The following NTM variants were observed in gnomAD, a reference collection of about 807,000 sequenced individuals.
The protein encoded by NTM is IgLON family member 2.
A neutral mutation model predicts 42.1 loss-of-function variants in NTM; 13 were observed. The observed-to-expected ratio is 0.31, with a 90% CI of 0.20 to 0.49. NTM has a LOEUF of 0.49. NTM is among the 20% of genes least tolerant of loss of function. NTM has a pLI of 0.99. For synonymous variants in NTM, 187 were observed against 179.2 expected (o/e 1.04, Z -0.35); for missense variants, 373 against 452.8 (o/e 0.82, Z 1.60).
intron 1 of NTM, among the ~76,000 whole-genome samples, chr11:131,764,039 TG>T (rs1242444671): frequency 6.6e-6 from 1 of 152,122 alleles, no homozygotes; most frequent in African/African-American, 2.4e-5. Context: ...GATAGATTTA[TG>T]GTGAAGATGC....
intron 1 of NTM, among the ~76,000 whole-genome samples, chr11:131,589,607 A>G (rs1555159053): frequency 6.6e-6 from 1 of 152,214 alleles, no homozygotes; most frequent in East Asian, 1.9e-4. Flanking sequence ...GTTTTTTTGT[A>G]TCTTATGCCT....
At chr11:131,742,149 G>C (rs1287082909) in intron 1 of NTM, among the ~76,000 whole-genome samples, 3 of 152,156 alleles carry the variant, frequency 2.0e-5, no homozygotes, top group Non-Finnish European at 4.4e-5. Context: ...GGGTGTTGAA[G>C]TAATCTGTAC....
At chr11:131,595,277 C>T (rs904578776) in intron 1 of NTM, among the ~76,000 whole-genome samples, 4 of 152,222 alleles carry the variant, frequency 2.6e-5, no homozygotes, top group East Asian at 1.9e-4. Flanking sequence ...CATCACCATG[C>T]GCCTCCACCA....
In NTM at chr11:132,335,086, G is replaced by C. The variant is rs1468871287; in HGVS notation, c.1008G>C (p.Arg336Ser). 1.9e-6 allele frequency: 3 copies of C among 1,612,566 alleles called. No homozygotes were observed. The African/African-American group carries it at 4.0e-5, about 22-fold the overall frequency. ...GCGAGGTGAGCAACGGCACGTCGAG[G>C]AGGGCAGGCTGCGTCTGGCTGCTGC... The part of the protein sequence containing the change: ...AVSEVSNGTS[R>S]RAGCVWLLPL... The change falls in exon 9 of 9, where the codon AGG becomes AGC. Residue 336 changes from arginine to serine, a missense_variant. This residue lies in a region of NTM where 312 missense variants were observed against 353.5 expected (regional missense o/e 0.88). Transcript: ENST00000683400.
chr11:131,877,700 T>A (rs1446489828), intron 1 of NTM: 1 of 152,246 alleles, frequency 6.6e-6, no homozygotes, highest in South Asian at 2.1e-4. Flanking sequence ...TTATTACTCA[T>A]CTTGATGACA....
intron 1 of NTM, among the ~76,000 whole-genome samples, chr11:131,859,987 C>A (rs924400804): frequency 7.2e-5 from 11 of 152,052 alleles, no homozygotes; most frequent in Non-Finnish European, 1.2e-4. Context: ...CAGAAAGGAA[C>A]ATGTGTTTCT....
intron 4 of NTM, among the ~76,000 whole-genome samples, chr11:132,234,478 G>A (rs2088350360): frequency 6.6e-6 from 1 of 152,080 alleles, no homozygotes; most frequent in Non-Finnish European, 1.5e-5. Context: ...GAATCTCTCT[G>A]TAGCAAAAGT....
chr11:131,631,806 G>T (rs2137782129), intron 1 of NTM, among the ~76,000 whole-genome samples: 1 of 152,286 alleles, frequency 6.6e-6, no homozygotes, highest in Admixed American at 6.5e-5. Flanking sequence ...CAACTCGGCT[G>T]CCGTAATGTT....
chr11:131,936,443 CA>C (rs1467945169), intron 2 of NTM, among the ~76,000 whole-genome samples: 2 of 152,038 alleles, frequency 1.3e-5, no homozygotes, highest in African/African-American at 4.8e-5. Context: ...AACCACTGGC[CA>C]AAAGGAACTT....
intron 2 of NTM, among the ~76,000 whole-genome samples, chr11:132,060,710 G>A (rs543949085): frequency 1.1e-4 from 17 of 152,256 alleles, no homozygotes; most frequent in Non-Finnish European, 2.1e-4. Flanking sequence ...ATCTCTGTGC[G>A]GTTGCAGGCT....
chr11:131,375,005 A>C (rs1344673975), intron 1 of NTM, among the ~76,000 whole-genome samples: 1 of 152,168 alleles, frequency 6.6e-6, no homozygotes, highest in Admixed American at 6.5e-5. Flanking sequence ...CAAACAAACA[A>C]ACAAAAAACC....
At chr11:131,760,550 TC>T (rs905442078) in intron 1 of NTM, among the ~76,000 whole-genome samples, 1 of 152,128 alleles carries the variant, frequency 6.6e-6, no homozygotes, top group African/African-American at 2.4e-5. Flanking sequence ...CCGTTCTGAT[TC>T]CCCCGCTCAG....
intron 1 of NTM, among the ~76,000 whole-genome samples, chr11:131,817,617 A>T (rs181550041): frequency 3.3e-5 from 5 of 152,296 alleles, no homozygotes; most frequent in Admixed American, 3.3e-4. Context: ...GAATACTCAG[A>T]GTTTTAGTGC....
At chr11:132,019,855 GT>G (rs1002350958) in intron 2 of NTM, among the ~76,000 whole-genome samples, 11 of 148,754 alleles carry the variant, frequency 7.4e-5, no homozygotes, top group African/African-American at 2.2e-4. Context: ...TATTTATTTG[GT>G]TTTTTTTTCA....
chr11:131,747,360 CTT>C (rs1381043631), intron 1 of NTM, among the ~76,000 whole-genome samples: 1 of 152,228 alleles, frequency 6.6e-6, no homozygotes, highest in Non-Finnish European at 1.5e-5. Context: ...GCTGTTCTCT[CTT>C]CCAGTTGCTA....
intron 1 of NTM, among the ~76,000 whole-genome samples, chr11:131,776,724 G>A (rs2087051140): frequency 6.6e-6 from 1 of 152,088 alleles, no homozygotes; most frequent in Admixed American, 6.5e-5. Context: ...ATAAATTCCA[G>A]TGCAAGAGTT....
At chr11:131,449,609 ATC>A (rs1414855132) in intron 1 of NTM, among the ~76,000 whole-genome samples, 11 of 152,288 alleles carry the variant, frequency 7.2e-5, no homozygotes, top group African/African-American at 2.2e-4. Context: ...TGCTGCGTTC[ATC>A]TCTCTCATCA....
chr11:131,580,266 C>G (rs1268763129), intron 1 of NTM, among the ~76,000 whole-genome samples: 1 of 152,234 alleles, frequency 6.6e-6, no homozygotes, highest in Non-Finnish European at 1.5e-5. Context: ...ATGCTGGCTG[C>G]TTTATCACAG....
chr11:131,431,209 G>C (rs1443571073), intron 1 of NTM, among the ~76,000 whole-genome samples: 1 of 151,826 alleles, frequency 6.6e-6, no homozygotes, highest in Non-Finnish European at 1.5e-5. Context: ...TCTCTCATTC[G>C]GGTGTCTTGT....
Sources: allele counts gnomAD v4.1 joint callset (sites outside exome capture counted in the v4.1 genomes callset), GRCh38; gene constraint gnomAD v4.1.1; regional missense constraint gnomAD v4.1.1; transcripts MANE v1.5; gene names NCBI Gene and HGNC (gene_info 2026-07-23, HGNC 2026-07-21).